The following TDRD5 variants were observed in gnomAD, a reference collection of about 807,000 sequenced individuals.
TDRD5 encodes tudor domain containing 5, also known as tudor domain-containing protein 5.
In TDRD5, 41 loss-of-function variants were observed where a neutral mutation model predicts 120.6. That is an observed-to-expected ratio of 0.34 (90% CI 0.26 to 0.44). The LOEUF is 0.44. Among genes scored for constraint, TDRD5 ranks in the 20% least tolerant of loss-of-function variants. The probability of loss-of-function intolerance (pLI) is 1.00; values close to 1 mark genes in which losing one functional copy is unlikely to be tolerated. For synonymous variants in TDRD5, 430 were observed against 433.7 expected (o/e 0.99, Z 0.11); for missense variants, 1,006 against 1,221.2 (o/e 0.82, Z 2.63).
At chr1:179,643,060 C>T (rs1678140445) in intron 11 of TDRD5, among the ~76,000 whole-genome samples, 1 of 152,170 alleles carries the variant, frequency 6.6e-6, no homozygotes, top group African/African-American at 2.4e-5. Context: ...TATATATGAT[C>T]TGCCCAAATC....
rs1392218553 is a variant in TDRD5 at position 179,591,947 on chromosome 1, G to A, written c.-193G>A. 1 of 152,668 alleles carries A rather than the reference G, an allele frequency of 6.6e-6. No homozygotes were observed. Among genetic ancestry groups the A allele is most frequent in the Admixed American group, 6.5e-5 (1 of 15,300 alleles). 9.5% of individuals were successfully genotyped at this position (152,668 alleles called of 1,614,324 possible). A position where few individuals can be genotyped will look rare whatever the true frequency, so the allele number is the denominator to read the frequency against. ...CGTCAGGGCGCGGTGGGGGCAAGAC[G>A]GGTGACTGGCAGCAGGGCGGTGCCG... On this transcript the variant is annotated 5_prime_UTR_variant, in exon 1 of 18. Transcript: ENST00000444136.
Position 179,634,535 on chromosome 1 carries a change from A to C in TDRD5, c.1205A>C (p.Lys402Thr). Reference sequence around the variant, plus strand: ...AATTCATTGTCTACTGCTGCTGTCAAAGAGACTGTATGGAATTGCCCTTCA... The same window carrying C: ...AATTCATTGTCTACTGCTGCTGTCACAGAGACTGTATGGAATTGCCCTTCA... The part of the protein sequence containing the change: ...PRNSLSTAAV[K>T]ETVWNCPSKK... Residue 402 changes from lysine to threonine, a missense_variant, in exon 8 of 18, where the codon AAA becomes ACA. Around this residue, in one of 3 missense-constraint regions of TDRD5, gnomAD observed 445 missense variants for 515.5 expected, o/e 0.86. Transcript: ENST00000444136. 6.2e-7 allele frequency: 1 copy of C among 1,614,032 alleles called. No homozygotes were observed. The highest frequency in any genetic ancestry group is 8.5e-7 in the Non-Finnish European group (1 of 1,180,006).
intron 17 of TDRD5, among the ~76,000 whole-genome samples, chr1:179,673,932 AG>A (rs1679983426): frequency 6.6e-6 from 1 of 152,188 alleles, no homozygotes; most frequent in South Asian, 2.1e-4. Context: ...TTCATTTACC[AG>A]TTCTAGGAGC....
At chr1:179,640,353 C>A in intron 10 of TDRD5, 26 bp from the exon 11 acceptor site, 2 of 1,613,340 alleles carry the variant, frequency 1.2e-6, no homozygotes, top group Non-Finnish European at 1.7e-6. Context: ...GAAGATTGAA[C>A]TTACATATTT....
Position 179,662,220 on chromosome 1 carries a change from C to G in TDRD5, c.2439C>G (p.Ser813=). ...TGGGAAAAGGAGGTGATGCTGCCTC[C>G]CATCTATTTACTGCAAGCCTTGGTG... is the stretch of plus-strand genomic sequence containing the variant. ...AKMGKGGDAA[S]HLFTASLGGK... is the part of the protein sequence containing the mutation. The change falls in exon 15 of 18, where the codon TCC becomes TCG. Residue 813 remains serine (S), a synonymous_variant. Transcript: ENST00000444136. 1 of 1,611,600 alleles carries G rather than the reference C, an allele frequency of 6.2e-7. No individual in the cohort carries two copies. The highest frequency in any genetic ancestry group is 8.5e-7 in the Non-Finnish European group (1 of 1,179,088).
chr1:179,680,544 ATT>A (rs1680367657), intron 17 of TDRD5, among the ~76,000 whole-genome samples: 1 of 152,198 alleles, frequency 6.6e-6, no homozygotes, highest in African/African-American at 2.4e-5. Context: ...CCTTCATAAT[ATT>A]CTTTGCTTTG....
intron 6 of TDRD5, among the ~76,000 whole-genome samples, chr1:179,622,445 G>A (rs925161610): frequency 5.9e-5 from 9 of 152,148 alleles, no homozygotes. Flanking sequence ...AAGAAAAGGT[G>A]ATCAATGGAA....
At chr1:179,617,226 A>G (rs1023033586) in intron 4 of TDRD5, among the ~76,000 whole-genome samples, 2 of 152,140 alleles carry the variant, frequency 1.3e-5, no homozygotes, top group Admixed American at 6.5e-5. Context: ...GTACTTGCCA[A>G]AACTTGGAGG....
At chr1:179,615,129 T>A (rs1676495096) in intron 4 of TDRD5, among the ~76,000 whole-genome samples, 1 of 151,964 alleles carries the variant, frequency 6.6e-6, no homozygotes, top group Non-Finnish European at 1.5e-5. Context: ...GGACTCTGGG[T>A]TTTTTCATTA....
rs552779320 is a variant in TDRD5, at chr1:179,633,162, C to T, written c.1127-1295C>T. ...GGGTGTTTTTTCATATTAGTACAAA[C>T]AAGCTCATTTCATCATTTGAAGTTA... On this transcript the variant is annotated intron_variant, in intron 7 of 17. Transcript: ENST00000444136. 3.3e-5 allele frequency among the ~76,000 whole-genome samples: 5 copies of T among 152,142 alleles called. 1 individual carries two copies. The South Asian group carries it at 1.0e-3, about 32-fold the overall frequency.
At chr1:179,606,529 G>C (rs1259484923) in intron 4 of TDRD5, among the ~76,000 whole-genome samples, 1 of 151,994 alleles carries the variant, frequency 6.6e-6, no homozygotes, top group Non-Finnish European at 1.5e-5. Flanking sequence ...GTCAGCTAGT[G>C]TTATCTTATG....
intron 17 of TDRD5, among the ~76,000 whole-genome samples, chr1:179,673,007 T>G (rs1032979249): frequency 1.3e-5 from 2 of 152,186 alleles, no homozygotes; most frequent in African/African-American, 4.8e-5. Context: ...GGCCTTATAG[T>G]ATAGTTTGAA....
chr1:179,602,201 C>G (rs116805336), intron 4 of TDRD5, among the ~76,000 whole-genome samples: 8 of 152,192 alleles, frequency 5.3e-5, no homozygotes, highest in Non-Finnish European at 1.2e-4. Flanking sequence ...CCCTGTTAAC[C>G]GCATTCATGC....
At chr1:179,686,785 C>T (rs987013532) in intron 17 of TDRD5, among the ~76,000 whole-genome samples, 11 of 152,120 alleles carry the variant, frequency 7.2e-5, no homozygotes, top group Admixed American at 2.6e-4. Context: ...GTGTATGTGT[C>T]CAGGAATTTA....
At chr1:179,637,137 C>T (rs1017619766) in intron 9 of TDRD5, among the ~76,000 whole-genome samples, 1 of 152,122 alleles carries the variant, frequency 6.6e-6, no homozygotes, top group African/African-American at 2.4e-5. Flanking sequence ...TAATTTATTT[C>T]ATTTTATTTT....
chr1:179,614,511 C>T (rs1676456581), intron 4 of TDRD5, among the ~76,000 whole-genome samples: 1 of 151,998 alleles, frequency 6.6e-6, no homozygotes, highest in Non-Finnish European at 1.5e-5. Flanking sequence ...TCTAGAAGAG[C>T]CATCATTGAT....
intron 4 of TDRD5, among the ~76,000 whole-genome samples, chr1:179,611,675 CTG>C (rs1476334027): frequency 6.6e-6 from 1 of 152,120 alleles, no homozygotes; most frequent in African/African-American, 2.4e-5. Flanking sequence ...TGCCTTTTAA[CTG>C]TGAGAGCCAG....
At chr1:179,657,734 T>C (rs1387948901) in intron 14 of TDRD5, among the ~76,000 whole-genome samples, 1 of 152,216 alleles carries the variant, frequency 6.6e-6, no homozygotes, top group African/African-American at 2.4e-5. Flanking sequence ...CTTAGTTTTT[T>C]TAATTAAGTA....
chr1:179,627,297 A>G (rs1298528854), intron 6 of TDRD5, among the ~76,000 whole-genome samples: 2 of 152,198 alleles, frequency 1.3e-5, no homozygotes, highest in African/African-American at 4.8e-5. Flanking sequence ...AGAGACATTG[A>G]TAAAAGGACT....
Sources: allele counts gnomAD v4.1 joint callset (sites outside exome capture counted in the v4.1 genomes callset), GRCh38; gene constraint gnomAD v4.1.1; regional missense constraint gnomAD v4.1.1; transcripts MANE v1.5; gene names NCBI Gene and HGNC (gene_info 2026-07-23, HGNC 2026-07-21).